PLA2G6: variants seen among roughly 807,000 people sequenced by gnomAD.
PLA2G6 encodes the protein phospholipase A2 group VI.
Under a neutral mutation model 83.8 loss-of-function variants are expected in PLA2G6, and 62 were observed. The observed-to-expected ratio is 0.74, with a 90% CI of 0.60 to 0.91. PLA2G6 has a LOEUF of 0.91. PLA2G6 is among the 40% of genes least tolerant of loss of function. PLA2G6 has a pLI of 0.00. For missense variants in PLA2G6, 944 were observed against 1,102.0 expected (o/e 0.86, Z 2.03); for synonymous variants, 417 against 449.8 (o/e 0.93, Z 0.92).
chr22:38,120,772 C>T lies in PLA2G6; in HGVS notation c.1729G>A (p.Val577Ile), dbSNP rs767342982. ...EFGEHTKMTDVRKPKVMLTGT... is the reference protein window; with the variant it reads ...EFGEHTKMTDIRKPKVMLTGT... ...GCCAGGGCTTACTTGGGTTTCCTGACGTCCGTCATCTTGGTGTGCTCCCCA... is the reference window on the plus strand; with the variant it reads ...GCCAGGGCTTACTTGGGTTTCCTGATGTCCGTCATCTTGGTGTGCTCCCCA... The change falls in exon 12 of 17, where the codon GTC becomes ATC. Residue 577 changes from valine (V) to isoleucine (I), a missense_variant. Val to Ile is a conservative substitution (Grantham distance 29). Transcript: ENST00000332509. The T allele has an allele frequency of 1.9e-6, 3 of 1,613,762 alleles. No homozygotes were observed. The highest frequency in any genetic ancestry group is 1.1e-5 in the South Asian group (1 of 91,086).
chr22:38,115,727 A>C (rs1035327284), intron 13 of PLA2G6, 46 bp from the exon 14 acceptor site: 5 of 1,562,276 alleles, frequency 3.2e-6, no homozygotes, highest in Non-Finnish European at 3.5e-6. Flanking sequence ...AGGGACTGGC[A>C]TAAAACCCAT....
intron 2 of PLA2G6, among the ~76,000 whole-genome samples, chr22:38,167,464 C>T (rs132985): frequency 0.51 from 77,204 of 151,772 alleles, 20,224 homozygotes; most frequent in South Asian, 0.63. Flanking sequence ...GGGCCGTGTA[C>T]CTCAAAAGTG....
chr22:38,124,345 C>T (rs1409917889), intron 10 of PLA2G6, among the ~76,000 whole-genome samples: 2 of 152,096 alleles, frequency 1.3e-5, no homozygotes, highest in East Asian at 1.9e-4. Context: ...GGTTAGGTGA[C>T]GGGAACCAAG....
chr22:38,164,744 C>T (rs1192018164), intron 2 of PLA2G6, among the ~76,000 whole-genome samples: 2 of 152,206 alleles, frequency 1.3e-5, no homozygotes, highest in East Asian at 3.9e-4. Context: ...CCCATGCTCA[C>T]TCTAACACGC....
intron 1 of PLA2G6, 129 bp downstream of exon 1, chr22:38,181,535 G>A (rs567088746): frequency 6.6e-6 from 1 of 152,440 alleles, no homozygotes; most frequent in Non-Finnish European, 1.5e-5. Flanking sequence ...CGAAGCTGGG[G>A]TCCCTGGGGT....
At chr22:38,165,596 G>A (rs1487620700) in intron 2 of PLA2G6, among the ~76,000 whole-genome samples, 8 of 152,202 alleles carry the variant, frequency 5.3e-5, no homozygotes, top group East Asian at 3.8e-4. Context: ...GAAGCTGGCC[G>A]GGCGCGGTGG....
intron 7 of PLA2G6, chr22:38,131,888 A>C (rs1394861562): frequency 3.1e-6 from 1 of 322,914 alleles, no homozygotes; most frequent in Non-Finnish European, 6.1e-6. Flanking sequence ...GGAGTTTGAG[A>C]CCAGCCTGGC....
chr22:38,123,403 A>G lies in PLA2G6; in HGVS notation c.1428-145T>C. On this transcript the variant is annotated intron_variant, in intron 10 of 16. Coordinates refer to ENST00000332509, the MANE Select transcript of PLA2G6 (RefSeq NM_003560.4). This position sits in a 1 kb window ranked among gnomAD's most constrained non-coding sequence, Gnocchi z 4.1. ...GAGGAACTTCTGTCCTATGCAGGAC[A>G]GCGAGGGTGGGGGTGAGGGCAGTAA... 1.2e-6 allele frequency: 1 copy of G among 815,672 alleles called. No individual in the cohort carries two copies. Among genetic ancestry groups the G allele is most frequent in the Non-Finnish European group, 2.0e-6 (1 of 490,106 alleles). 50.5% of individuals were successfully genotyped at this position (815,672 alleles called of 1,614,324 possible). A position where few individuals can be genotyped will look rare whatever the true frequency, so the allele number is the denominator to read the frequency against.
At chr22:38,129,695 C>G (rs144041114) in intron 7 of PLA2G6, 133 bp from the exon 8 acceptor site, 1 of 718,046 alleles carries the variant, frequency 1.4e-6, no homozygotes, top group Non-Finnish European at 2.6e-6. Flanking sequence ...CACTGGAACC[C>G]TCCTCACCCC....
chr22:38,174,291 G>T lies in PLA2G6; in HGVS notation c.-45-4820C>A, dbSNP rs192890920. 8.0e-3 allele frequency among the ~76,000 whole-genome samples: 1,218 copies of T among 152,174 alleles called. 17 individuals carry two copies. Among genetic ancestry groups the T allele is most frequent in the African/African-American group, 0.028 (1,167 of 41,518 alleles). Reference sequence around the variant, plus strand: ...CGGGTGCCTGTAGTCCCAGCTATTCGGGAGGCTGAGGCAGGAGAATGGCGT... The same window carrying T: ...CGGGTGCCTGTAGTCCCAGCTATTCTGGAGGCTGAGGCAGGAGAATGGCGT... On this transcript the variant is annotated intron_variant, in intron 1 of 16. Transcript: ENST00000332509.
chr22:38,161,319 T>C (rs84473), intron 2 of PLA2G6, among the ~76,000 whole-genome samples: 78,119 of 151,780 alleles, frequency 0.51, 20,784 homozygotes, highest in South Asian at 0.64. Flanking sequence ...GGTTTGCAGA[T>C]GGCTATCTTC....
chr22:38,160,737 C>G (rs1435418474), intron 2 of PLA2G6, among the ~76,000 whole-genome samples: 1 of 151,996 alleles, frequency 6.6e-6, no homozygotes, highest in African/African-American at 2.4e-5. Flanking sequence ...CCCAGCTACT[C>G]AGGAGGCTGA....
chr22:38,143,482 T>A, intron 3 of PLA2G6, 194 bp from the exon 4 acceptor site: 1 of 669,062 alleles, frequency 1.5e-6, no homozygotes, highest in Admixed American at 2.1e-5. Flanking sequence ...TGTATCAGGT[T>A]TCTGTTCAGT....
chr22:38,178,388 T>G (rs930537137), intron 1 of PLA2G6, among the ~76,000 whole-genome samples: 1 of 152,000 alleles, frequency 6.6e-6, no homozygotes, highest in Admixed American at 6.6e-5. Context: ...CTGGGTAATA[T>G]AGTGAGACCT....
intron 2 of PLA2G6, among the ~76,000 whole-genome samples, chr22:38,167,025 G>C (rs1314794587): frequency 6.6e-6 from 1 of 151,710 alleles, no homozygotes; most frequent in African/African-American, 2.4e-5. Context: ...TCAGGAGATT[G>C]AGACCATCCT....
chr22:38,172,848 A>C (rs1224524924), intron 1 of PLA2G6, among the ~76,000 whole-genome samples: 1 of 152,234 alleles, frequency 6.6e-6, no homozygotes, highest in Non-Finnish European at 1.5e-5. Context: ...ACCCCCCACC[A>C]GAGCCTGGGG....
chr22:38,135,814 C>A (rs1048713279), intron 5 of PLA2G6: 38 of 152,218 alleles, frequency 2.5e-4, no homozygotes, highest in African/African-American at 8.2e-4. Flanking sequence ...CTTTGGGAGG[C>A]TGAGGCAGGC....
At chr22:38,170,654 G>A (rs2090403136) in intron 1 of PLA2G6, among the ~76,000 whole-genome samples, 1 of 152,108 alleles carries the variant, frequency 6.6e-6, no homozygotes, top group Admixed American at 6.5e-5. Flanking sequence ...CCAATCAGAC[G>A]GAGGCCGCCC....
At chr22:38,129,247 C>T (rs2088057740) in intron 8 of PLA2G6, among the ~76,000 whole-genome samples, 1 of 152,238 alleles carries the variant, frequency 6.6e-6, no homozygotes, top group African/African-American at 2.4e-5. Context: ...GTATAGCAAG[C>T]CCCGTGGTGG....
Sources: gnomAD v4.1 joint callset for allele counts (sites outside exome capture counted in the v4.1 genomes callset) on GRCh38, gnomAD v4.1.1 for gene constraint, Gnocchi (gnomAD v3.1) non-coding constraint, MANE v1.5 for transcripts, NCBI Gene and HGNC (gene_info 2026-07-23, HGNC 2026-07-21) for gene names.